PLCB1: variants seen among roughly 807,000 people sequenced by gnomAD.
The protein encoded by PLCB1 is 1-phosphatidylinositol 4,5-bisphosphate phosphodiesterase beta-1.
PLCB1 carries 46 observed loss-of-function variants against 161.8 expected under a neutral mutation model. The observed-to-expected ratio is 0.28, with a 90% CI of 0.22 to 0.36. PLCB1 has a LOEUF of 0.36. Among genes scored for constraint, PLCB1 ranks in the 10% least tolerant of loss-of-function variants. The pLI is 1.00. For synonymous variants in PLCB1, 517 were observed against 503.7 expected, an observed-to-expected ratio of 1.03 and a Z score of -0.35; for missense variants, 1,016 against 1,472.5, an observed-to-expected ratio of 0.69 and a Z score of 5.07.
In PLCB1 at chr20:8,616,855, T is replaced by TGTACTGCAC. The variant is rs546735699; in HGVS notation, c.247-11438_247-11430dup. ...TCCCTTTGAGTTGGACTGTACTGTA[T>TGTACTGCAC]GTACTGCACTCAGTATTCCCCAAGA... On this transcript the variant is annotated intron_variant, in intron 3 of 31. Transcript: ENST00000338037. Among the ~76,000 whole-genome samples the TGTACTGCAC allele has an allele frequency of 2.0e-3, 301 of 152,304 alleles. 1 individual carries two copies. The highest frequency in any genetic ancestry group is 7.4e-3 in the Admixed American group (114 of 15,306).
At chr20:8,831,534 A>T (rs1199243442) in intron 31 of PLCB1, 1 of 152,220 alleles carries the variant, frequency 6.6e-6, no homozygotes, top group Non-Finnish European at 1.5e-5. Context: ...TACCTTAGAT[A>T]TTGAGATGTT....
chr20:8,697,359 A>G (rs948191255), intron 10 of PLCB1, among the ~76,000 whole-genome samples: 3 of 152,164 alleles, frequency 2.0e-5, no homozygotes, highest in Non-Finnish European at 4.4e-5. Flanking sequence ...CAGTCCAAAA[A>G]CCTGTAATTG....
At chr20:8,480,017 CA>C (rs1982433892) in intron 3 of PLCB1, among the ~76,000 whole-genome samples, 1 of 152,082 alleles carries the variant, frequency 6.6e-6, no homozygotes, top group Non-Finnish European at 1.5e-5. Flanking sequence ...AAGGTTTTCT[CA>C]GTAGTGGGAC....
intron 31 of PLCB1, among the ~76,000 whole-genome samples, chr20:8,791,796 A>T (rs1983770835): frequency 6.6e-6 from 1 of 152,224 alleles, no homozygotes; most frequent in African/African-American, 2.4e-5. Flanking sequence ...CTAGGTCATC[A>T]TGATTAAAAT....
intron 2 of PLCB1, among the ~76,000 whole-genome samples, chr20:8,262,782 G>A (rs1030943307): frequency 6.6e-6 from 1 of 152,150 alleles, no homozygotes; most frequent in African/African-American, 2.4e-5. Flanking sequence ...TCCTGGTGAG[G>A]ACCTGCTTTC....
chr20:8,626,741 T>G (rs1988360916), intron 3 of PLCB1, among the ~76,000 whole-genome samples: 1 of 152,336 alleles, frequency 6.6e-6, no homozygotes, highest in African/African-American at 2.4e-5. Context: ...TTTTCTCTTC[T>G]GAGTGTACCA....
chr20:8,174,217 A>G (rs968215673), intron 2 of PLCB1, among the ~76,000 whole-genome samples: 5 of 152,228 alleles, frequency 3.3e-5, no homozygotes, highest in Admixed American at 6.5e-5. Context: ...ACAAAGGCAA[A>G]GGAAAAAAAT....
At chr20:8,729,246 T>C (rs925951713) in intron 18 of PLCB1, 72 bp downstream of exon 18, 13 of 1,345,598 alleles carry the variant, frequency 9.7e-6, no homozygotes, top group South Asian at 4.1e-5. Context: ...TCTTACATAA[T>C]TGGGGGAGAG....
intron 2 of PLCB1, among the ~76,000 whole-genome samples, chr20:8,282,972 C>T (rs949363602): frequency 1.3e-4 from 20 of 152,156 alleles, no homozygotes; most frequent in South Asian, 4.2e-4. Context: ...CGTGGTTCTC[C>T]GTGGTGTTCA....
At chr20:8,173,958 G>C (rs2051757644) in intron 2 of PLCB1, among the ~76,000 whole-genome samples, 1 of 152,104 alleles carries the variant, frequency 6.6e-6, no homozygotes, top group Non-Finnish European at 1.5e-5. Context: ...CAACAGAAGA[G>C]ATAAAATAGA....
At chr20:8,850,870 G>C (rs532995410) in intron 31 of PLCB1, among the ~76,000 whole-genome samples, 1 of 152,170 alleles carries the variant, frequency 6.6e-6, no homozygotes. Flanking sequence ...GGAATGAACC[G>C]AGACAGCAGC....
At chr20:8,298,854 A>AT (rs551567253) in intron 2 of PLCB1, among the ~76,000 whole-genome samples, 6 of 152,264 alleles carry the variant, frequency 3.9e-5, no homozygotes, top group Admixed American at 3.9e-4. Flanking sequence ...AACCAAACAG[A>AT]TGTGTGGGGC....
At chr20:8,471,585 G>A (rs1336797211) in intron 3 of PLCB1, among the ~76,000 whole-genome samples, 1 of 152,074 alleles carries the variant, frequency 6.6e-6, no homozygotes, top group Non-Finnish European at 1.5e-5. Context: ...AACAGAAATA[G>A]AAAAAAACCT....
At chr20:8,276,986 C>CTTCTTCTTCTTCTTCTTCTTA (rs869194352) in intron 2 of PLCB1, among the ~76,000 whole-genome samples, 6 of 93,350 alleles carry the variant, frequency 6.4e-5, no homozygotes, top group East Asian at 6.9e-4. Context: ...TCTTCTTCTT[C>CTTCTTCTTCTTCTTCTTCTTA]TTATTATTAT....
chr20:8,289,166 C>T (rs906590559), intron 2 of PLCB1, among the ~76,000 whole-genome samples: 2 of 152,302 alleles, frequency 1.3e-5, no homozygotes, highest in South Asian at 4.1e-4. Flanking sequence ...TAACAAGTGT[C>T]GTCTGCTTAT....
chr20:8,561,963 C>T (rs1483386011), intron 3 of PLCB1, among the ~76,000 whole-genome samples: 3 of 151,944 alleles, frequency 2.0e-5, no homozygotes, highest in Admixed American at 2.0e-4. Context: ...CAAAAAACTC[C>T]CCTGGCATGA....
intron 2 of PLCB1, among the ~76,000 whole-genome samples, chr20:8,150,768 C>T (rs1310257082): frequency 6.6e-6 from 1 of 152,146 alleles, no homozygotes; most frequent in Non-Finnish European, 1.5e-5. Context: ...TTTTCTTTCT[C>T]TCTCTTTTCC....
intron 2 of PLCB1, among the ~76,000 whole-genome samples, chr20:8,320,788 CAGAAAGAAAGA>C (rs1384061358): frequency 2.1e-5 from 2 of 96,780 alleles, no homozygotes; most frequent in South Asian, 3.7e-4. Flanking sequence ...AATATTAGGA[CAGAAAGAAAGA>C]AGAAAGAAAG....
chr20:8,391,786 T>TG (rs1987600379), intron 3 of PLCB1, among the ~76,000 whole-genome samples: 1 of 9,734 alleles, frequency 1.0e-4, no homozygotes, highest in Non-Finnish European at 1.7e-4. Context: ...TATGTGTGTG[T>TG]ATATATATAT....
Sources: gnomAD v4.1 joint callset for allele counts (sites outside exome capture counted in the v4.1 genomes callset) on GRCh38, gnomAD v4.1.1 for gene constraint, MANE v1.5 for transcripts, NCBI Gene and HGNC (gene_info 2026-07-23, HGNC 2026-07-21) for gene names.